The following OTOF variants were observed in gnomAD, a reference collection of about 807,000 sequenced individuals.
The protein encoded by OTOF is otoferlin, also known as fer-1-like family member 2.
A neutral mutation model predicts 236.8 loss-of-function variants in OTOF; 218 were observed. That is an observed-to-expected ratio of 0.92 (90% CI 0.82 to 1.03). The LOEUF (loss-of-function observed/expected upper bound fraction) is 1.03, where lower values mean the gene tolerates loss of function less well. Ranked by LOEUF, OTOF falls within the 50% of genes least tolerant of loss-of-function variation. OTOF has a pLI of 0.00. For missense variants in OTOF, 2,590 were observed against 2,694.4 expected, an observed-to-expected ratio of 0.96 and a Z score of 0.86; for synonymous variants, 1,041 against 1,072.5, an observed-to-expected ratio of 0.97 and a Z score of 0.57.
intron 1 of OTOF, among the ~76,000 whole-genome samples, chr2:26,545,277 CAT>C (rs1390975461): frequency 1.3e-5 from 2 of 152,168 alleles, no homozygotes; most frequent in Non-Finnish European, 2.9e-5. Context: ...CACATTTTCA[CAT>C]GTTTATTGGC....
At chr2:26,480,138 G>A in intron 16 of OTOF, 65 bp downstream of exon 16, 1 of 907,640 alleles carries the variant, frequency 1.1e-6, no homozygotes, top group Non-Finnish European at 1.9e-6. Flanking sequence ...CTGCAGCCTA[G>A]GCCTGAAGCC....
At chr2:26,532,330 G>T (rs776282168) in intron 2 of OTOF, among the ~76,000 whole-genome samples, 1 of 152,130 alleles carries the variant, frequency 6.6e-6, no homozygotes, top group East Asian at 1.9e-4. Flanking sequence ...GCTTAGTCTG[G>T]AGTTCAGTCC....
chr2:26,497,506 T>C (rs1666017858), intron 8 of OTOF, among the ~76,000 whole-genome samples: 1 of 152,238 alleles, frequency 6.6e-6, no homozygotes, highest in Admixed American at 6.5e-5. Flanking sequence ...TTGAGAGAAT[T>C]ATCTTCCCTT....
At chr2:26,505,410 G>A (rs7562911) in intron 5 of OTOF, among the ~76,000 whole-genome samples, 36,777 of 136,342 alleles carry the variant, frequency 0.27, 5,277 homozygotes, top group East Asian at 0.55. Flanking sequence ...GGGGAGGTGA[G>A]TTACACACAC....
chr2:26,537,897 C>T (rs1054385881), intron 1 of OTOF, 123 bp from the exon 2 acceptor site: 75 of 758,724 alleles, frequency 9.9e-5, no homozygotes, highest in Non-Finnish European at 1.5e-4. Flanking sequence ...CATGGGACCT[C>T]GTGGCTTGCT....
chr2:26,474,724 T>C, intron 25 of OTOF, 50 bp from the exon 26 acceptor site: 1 of 1,602,664 alleles, frequency 6.2e-7, no homozygotes, highest in Non-Finnish European at 8.5e-7. Flanking sequence ...TGTCCACACC[T>C]GTGATCTCGT....
chr2:26,539,505 G>T (rs1667159887), intron 1 of OTOF, among the ~76,000 whole-genome samples: 1 of 152,234 alleles, frequency 6.6e-6, no homozygotes, highest in Non-Finnish European at 1.5e-5. Flanking sequence ...GGAGGCCGAG[G>T]CGGGCGGATC....
chr2:26,518,405 T>A (rs1404902961), intron 4 of OTOF, among the ~76,000 whole-genome samples: 2 of 152,204 alleles, frequency 1.3e-5, no homozygotes, highest in South Asian at 4.1e-4. Context: ...AGGGTCCCTG[T>A]TCCTCACCAT....
Position 26,477,842 on chromosome 2 carries a change from A to C in OTOF, c.2215-93T>G. 6.4e-7 allele frequency: 1 copy of C among 1,568,642 alleles called. No individual in the cohort carries two copies. The highest frequency in any genetic ancestry group is 8.6e-7 in the Non-Finnish European group (1 of 1,157,062). ...TCCCTGTTGATCAGGGGAGTGAGGG[A>C]CCTCATGATCTGGGAGCTCTCGCTA... On this transcript the variant is annotated intron_variant, in intron 18 of 46. Transcript: ENST00000272371. This position sits in a 1 kb window ranked among gnomAD's most constrained non-coding sequence, Gnocchi z 4.7.
intron 11 of OTOF, among the ~76,000 whole-genome samples, chr2:26,486,204 G>A (rs1665695996): frequency 6.6e-6 from 1 of 151,516 alleles, no homozygotes; most frequent in South Asian, 2.1e-4. Context: ...GTGGATGGGT[G>A]GGTAGGTGGA....
chr2:26,532,197 A>G (rs1363358639), intron 2 of OTOF, among the ~76,000 whole-genome samples: 1 of 151,916 alleles, frequency 6.6e-6, no homozygotes, highest in Non-Finnish European at 1.5e-5. Context: ...CCCATAACCA[A>G]GCTCACAGCA....
chr2:26,536,137 G>A (rs1572487209), intron 2 of OTOF, among the ~76,000 whole-genome samples: 1 of 152,120 alleles, frequency 6.6e-6, no homozygotes. Flanking sequence ...AAATGGGGAG[G>A]GGAGGGAGCA....
intron 15 of OTOF, 48 bp downstream of exon 15, chr2:26,480,738 G>C (rs893004162): frequency 6.7e-7 from 1 of 1,498,620 alleles, no homozygotes; most frequent in South Asian, 1.1e-5. Context: ...AGGGAGAAGG[G>C]GGCTGAGCTG....
intron 1 of OTOF, among the ~76,000 whole-genome samples, chr2:26,546,191 T>G (rs1027036470): frequency 1.3e-5 from 2 of 152,220 alleles, no homozygotes; most frequent in Admixed American, 6.5e-5. Context: ...CCAGGCGAAG[T>G]GGCTCATGCC....
intron 2 of OTOF, among the ~76,000 whole-genome samples, chr2:26,529,782 G>A (rs1333274147): frequency 6.6e-6 from 1 of 152,084 alleles, no homozygotes; most frequent in Non-Finnish European, 1.5e-5. Context: ...GCAGAGGAGC[G>A]GGAGAGGGGT....
At chr2:26,528,697 G>T (rs1666869222) in intron 2 of OTOF, among the ~76,000 whole-genome samples, 2 of 152,180 alleles carry the variant, frequency 1.3e-5, no homozygotes, top group South Asian at 4.1e-4. Context: ...GCTGCCAATG[G>T]GCAGAGCCAG....
chr2:26,474,446 C>T (rs929716428), intron 26 of OTOF, 67 bp downstream of exon 26: 4 of 1,446,162 alleles, frequency 2.8e-6, no homozygotes, highest in Non-Finnish European at 3.8e-6. Context: ...GGTCCAGCCC[C>T]CAGCCCTAGG....
At chr2:26,472,751 A>G in intron 29 of OTOF, 102 bp from the exon 30 acceptor site, 3 of 1,247,262 alleles carry the variant, frequency 2.4e-6, no homozygotes, top group Non-Finnish European at 3.4e-6. Flanking sequence ...TGATTCTGGA[A>G]CTTTCTGAGG....
intron 1 of OTOF, among the ~76,000 whole-genome samples, chr2:26,554,165 C>CA (rs34196608): frequency 0.4 from 31,625 of 79,548 alleles, 7,050 homozygotes; most frequent in East Asian, 0.8. Flanking sequence ...GAGCGAGACT[C>CA]AAAAAAAAAA....
Sources: allele counts gnomAD v4.1 joint callset (sites outside exome capture counted in the v4.1 genomes callset), GRCh38; gene constraint gnomAD v4.1.1; non-coding constraint Gnocchi (gnomAD v3.1); transcripts MANE v1.5; gene names NCBI Gene and HGNC (gene_info 2026-07-23, HGNC 2026-07-21).